PDE4D: variants seen among roughly 807,000 people sequenced by gnomAD.
The protein encoded by PDE4D is 3',5'-cyclic-AMP phosphodiesterase 4D.
Under a neutral mutation model 87.4 loss-of-function variants are expected in PDE4D, and 24 were observed. That is an observed-to-expected ratio of 0.27 (90% CI 0.20 to 0.39). The LOEUF (loss-of-function observed/expected upper bound fraction) is 0.39, where lower values mean the gene tolerates loss of function less well. Ranked by LOEUF, PDE4D falls within the 10% of genes least tolerant of loss-of-function variation. PDE4D has a pLI of 1.00. For synonymous variants in PDE4D, 384 were observed against 383.2 expected (o/e 1.00, Z -0.02); for missense variants, 714 against 1,041.0 (o/e 0.69, Z 4.32).
At chr5:59,214,889 G>T (rs1169316960) in intron 2 of PDE4D, among the ~76,000 whole-genome samples, 1 of 152,106 alleles carries the variant, frequency 6.6e-6, no homozygotes, top group East Asian at 1.9e-4. Context: ...AGACACTCAG[G>T]GGTTCCATAC....
At chr5:59,581,698 T>C (rs1244539355) in intron 1 of PDE4D, among the ~76,000 whole-genome samples, 1 of 152,188 alleles carries the variant, frequency 6.6e-6, no homozygotes, top group African/African-American at 2.4e-5. Context: ...TCCTCTATCA[T>C]AGCATACTTA....
intron 1 of PDE4D, among the ~76,000 whole-genome samples, chr5:59,719,521 A>G (rs1240557811): frequency 6.6e-6 from 1 of 152,156 alleles, no homozygotes; most frequent in Admixed American, 6.6e-5. Flanking sequence ...CTTTCCAACC[A>G]GGTCTCAAAA....
intron 2 of PDE4D, among the ~76,000 whole-genome samples, chr5:60,156,323 G>A (rs902716113): frequency 2.6e-5 from 4 of 152,146 alleles, no homozygotes; most frequent in Admixed American, 2.6e-4. Context: ...TGTATATCTG[G>A]TTATTAAATC....
intron 1 of PDE4D, among the ~76,000 whole-genome samples, chr5:59,640,199 C>T (rs1741340147): frequency 6.6e-6 from 1 of 152,072 alleles, no homozygotes; most frequent in African/African-American, 2.4e-5. Flanking sequence ...TTGGAAGGCA[C>T]ATTAGTTTTT....
At chr5:59,668,769 AAGAAGAAAG>A (rs1746513376) in intron 1 of PDE4D, among the ~76,000 whole-genome samples, 4 of 148,364 alleles carry the variant, frequency 2.7e-5, no homozygotes, top group African/African-American at 7.6e-5. Context: ...AAGAAAGAAG[AAGAAGAAAG>A]AAGAAGAAGA....
At chr5:59,293,007 T>G (rs920604309) in intron 1 of PDE4D, among the ~76,000 whole-genome samples, 1 of 152,186 alleles carries the variant, frequency 6.6e-6, no homozygotes, top group Non-Finnish European at 1.5e-5. Context: ...TACAAGGGTT[T>G]TATTCATGAT....
chr5:59,153,395 C>T (rs997904149), intron 5 of PDE4D, among the ~76,000 whole-genome samples: 4 of 152,160 alleles, frequency 2.6e-5, no homozygotes, highest in African/African-American at 9.7e-5. Flanking sequence ...GCAATGGTAT[C>T]GCTTCTCACA....
At chr5:60,429,776 A>C (rs1744039266) in intron 1 of PDE4D, 1 of 290,216 alleles carries the variant, frequency 3.4e-6, no homozygotes, top group African/African-American at 2.2e-5. Flanking sequence ...ATTGATTTGC[A>C]TATGTTGAAA....
At chr5:60,180,536 G>A (rs1012703575) in intron 2 of PDE4D, among the ~76,000 whole-genome samples, 2 of 152,104 alleles carry the variant, frequency 1.3e-5, no homozygotes, top group African/African-American at 4.8e-5. Flanking sequence ...GGGAGACAGG[G>A]TGGTGAAATA....
chr5:59,346,798 G>T (rs929024932), intron 1 of PDE4D, among the ~76,000 whole-genome samples: 3 of 152,124 alleles, frequency 2.0e-5, no homozygotes, highest in Admixed American at 6.6e-5. Flanking sequence ...AAAGCATTTT[G>T]AACTTTATAC....
chr5:59,574,130 ATATATATATATATAAATATATATT>A (rs1224383019), intron 1 of PDE4D, among the ~76,000 whole-genome samples: 988 of 5,292 alleles, frequency 0.19, 3 homozygotes, highest in Admixed American at 0.37. Flanking sequence ...ATATATATTT[ATATATATATATATAAATATATATT>A]TATATATATA....
chr5:59,919,378 A>C (rs1754422271), intron 3 of PDE4D, among the ~76,000 whole-genome samples: 1 of 152,162 alleles, frequency 6.6e-6, no homozygotes, highest in Non-Finnish European at 1.5e-5. Flanking sequence ...CACCAATTAA[A>C]ATGTGTACCA....
intron 5 of PDE4D, among the ~76,000 whole-genome samples, chr5:59,077,472 CTTCT>C (rs1297453482): frequency 8.8e-6 from 1 of 114,216 alleles, no homozygotes; most frequent in Non-Finnish European, 1.8e-5. Flanking sequence ...TTTTTTTTTT[CTTCT>C]TTTTTTTTTT....
intron 1 of PDE4D, chr5:59,768,445 T>G (rs749340482): frequency 3.8e-6 from 6 of 1,598,358 alleles, no homozygotes; most frequent in Non-Finnish European, 4.2e-6. Flanking sequence ...CAGCCACGGG[T>G]TTGGACAATG....
chr5:60,281,450 A>G (rs1363159640), intron 1 of PDE4D, among the ~76,000 whole-genome samples: 1 of 152,208 alleles, frequency 6.6e-6, no homozygotes, highest in East Asian at 1.9e-4. Flanking sequence ...CTGATTCTAT[A>G]TCCACACTAC....
rs1771445387 is a variant in PDE4D, at chr5:59,105,500, A to G, written c.809-66529T>C. Among the ~76,000 whole-genome samples, 3 of 152,210 alleles carry G rather than the reference A, an allele frequency of 2.0e-5. 1 individual carries two copies. The South Asian group carries it at 6.2e-4, about 31-fold the overall frequency. ...GTCCTGAATGGTAGCATTATTTGAT[A>G]ATCAGATCAGTTAGTTAACCCACTC... is the stretch of plus-strand genomic sequence containing the variant. On this transcript the variant is annotated intron_variant, in intron 5 of 14. Transcript: ENST00000340635.
intron 1 of PDE4D, among the ~76,000 whole-genome samples, chr5:60,421,956 C>T (rs1424475835): frequency 6.6e-6 from 1 of 151,998 alleles, no homozygotes; most frequent in Non-Finnish European, 1.5e-5. Context: ...GACTGAAGAT[C>T]AAATGAATGA....
intron 1 of PDE4D, chr5:59,586,711 G>T (rs547778486): frequency 3.0e-6 from 3 of 985,270 alleles, no homozygotes; most frequent in South Asian, 4.7e-5. Context: ...AAATCTAACC[G>T]CCTTGAGTGT....
In PDE4D at chr5:58,969,989, C is replaced by T. The variant is rs536451907; in HGVS notation, c.*4675G>A. 74 of 152,188 alleles carry T rather than the reference C, an allele frequency of 4.9e-4. No homozygotes were observed. The highest frequency in any genetic ancestry group is 1.6e-3 in the African/African-American group (68 of 41,532). The allele number at this position is 152,188 out of a possible 1,614,324, so 9.4% of individuals were successfully genotyped here. Reference sequence around the variant, plus strand: ...TGTCACTATCCTTTCATTTCAACCACGTTCAGTATCCTAAGAGACATGCTG... The same window carrying T: ...TGTCACTATCCTTTCATTTCAACCATGTTCAGTATCCTAAGAGACATGCTG... On this transcript the variant is annotated 3_prime_UTR_variant, in exon 15 of 15. Coordinates refer to ENST00000340635, the MANE Select transcript of PDE4D (RefSeq NM_001104631.2).
Sources: gnomAD v4.1 joint callset for allele counts (sites outside exome capture counted in the v4.1 genomes callset) on GRCh38, gnomAD v4.1.1 for gene constraint, MANE v1.5 for transcripts, NCBI Gene and HGNC (gene_info 2026-07-23, HGNC 2026-07-21) for gene names.